BLVRA: variants seen among roughly 807,000 people sequenced by gnomAD.
BLVRA encodes the protein BVR A.
In BLVRA, 22 loss-of-function variants were observed where a neutral mutation model predicts 32.8. The ratio of observed to expected loss-of-function variants is 0.67; its 90% CI spans 0.48 to 0.96. The LOEUF (loss-of-function observed/expected upper bound fraction) is 0.96. BLVRA is among the 40% of genes least tolerant of loss of function. The probability of loss-of-function intolerance (pLI) is 0.00; values close to 1 mark genes in which losing one functional copy is unlikely to be tolerated. For synonymous variants in BLVRA, 119 were observed against 141.3 expected, an observed-to-expected ratio of 0.84 and a Z score of 1.12; for missense variants, 323 against 358.1, an observed-to-expected ratio of 0.90 and a Z score of 0.79.
intron 3 of BLVRA, 135 bp from the exon 4 acceptor site, chr7:43,791,114 G>T: frequency 2.0e-6 from 3 of 1,487,592 alleles, no homozygotes; most frequent in Non-Finnish European, 2.7e-6. Flanking sequence ...AAAATAGCCT[G>T]GAAGTGGGAG....
intron 5 of BLVRA, among the ~76,000 whole-genome samples, chr7:43,796,463 C>A (rs2095792991): frequency 6.6e-6 from 1 of 152,168 alleles, no homozygotes; most frequent in South Asian, 2.1e-4. Flanking sequence ...CCAAGTGTTT[C>A]AGTCTCTTCA....
intron 4 of BLVRA, 91 bp from the exon 5 acceptor site, chr7:43,792,624 C>A (rs1333168754): frequency 1.5e-5 from 19 of 1,246,542 alleles, no homozygotes; most frequent in South Asian, 1.4e-4. Context: ...AACTCTCATG[C>A]CTTTATAACA....
rs184574428 is a variant in BLVRA, at chr7:43,792,677, G to A, written c.255-38G>A. ...CAGAGCATTTCAGTGAAGCTTATTCGAAGTGTTCTTTCTCTGTATTTGTCT... is the reference window on the plus strand; with the variant it reads ...CAGAGCATTTCAGTGAAGCTTATTCAAAGTGTTCTTTCTCTGTATTTGTCT... On this transcript the variant is annotated intron_variant, in intron 4 of 7. Transcript: ENST00000265523. 7.9e-5 allele frequency: 123 copies of A among 1,558,812 alleles called. 1 individual carries two copies. The highest frequency in any genetic ancestry group is 3.8e-4 in the South Asian group (34 of 89,514).
chr7:43,792,980 A>G (rs1045685987), intron 5 of BLVRA, among the ~76,000 whole-genome samples, 168 bp downstream of exon 5: 2 of 152,236 alleles, frequency 1.3e-5, no homozygotes, highest in Non-Finnish European at 2.9e-5. Context: ...AGTGGAGGGC[A>G]GAAGGATGGG....
rs754621870 is a variant in BLVRA, at chr7:43,789,054, C to T, written c.134+1029C>T. Reference sequence around the variant, plus strand: ...ACCCCTGTACACACACACACACACACGCACCACTCACCAGACTAATCCTGT... The same window carrying T: ...ACCCCTGTACACACACACACACACATGCACCACTCACCAGACTAATCCTGT... On this transcript the variant is annotated intron_variant, in intron 3 of 7. Coordinates refer to ENST00000265523, the MANE Select transcript of BLVRA (RefSeq NM_000712.4). 5.3e-5 allele frequency among the ~76,000 whole-genome samples: 8 copies of T among 152,190 alleles called. No individual in the cohort carries two copies. The South Asian group carries it at 6.2e-4, about 12-fold the overall frequency.
At chr7:43,760,095 ATTC>A (rs1335705199) in intron 1 of BLVRA, 1 of 150,990 alleles carries the variant, frequency 6.6e-6, no homozygotes, top group Admixed American at 6.6e-5. Context: ...GGTTCAAGCA[ATTC>A]TTCTGACCTC....
intron 7 of BLVRA, among the ~76,000 whole-genome samples, chr7:43,805,008 C>G (rs923471971): frequency 6.6e-6 from 1 of 152,204 alleles, no homozygotes; most frequent in Non-Finnish European, 1.5e-5. Context: ...TGGCAGTGCT[C>G]CCTATGGAGT....
At chr7:43,791,924 G>T in intron 4 of BLVRA, 1 of 162,670 alleles carries the variant, frequency 6.1e-6, no homozygotes. Flanking sequence ...CCACGGGTAA[G>T]ATGCTTCCTC....
chr7:43,758,427 C>A (rs902540055), upstream of BLVRA, among the ~76,000 whole-genome samples: 1 of 113,136 alleles, frequency 8.8e-6, no homozygotes, highest in Non-Finnish European at 2.3e-5. Context: ...GGCCGGCACC[C>A]ACCACCCACC....
Position 43,787,023 on chromosome 7 carries a change from A to G in BLVRA, c.13-881A>G, listed in dbSNP as rs1352304696. 6.6e-6 allele frequency among the ~76,000 whole-genome samples: 1 copy of G among 152,078 alleles called. No individual in the cohort carries two copies. The highest frequency in any genetic ancestry group is 2.4e-5 in the African/African-American group (1 of 41,392). The stretch of plus-strand genomic sequence containing the variant: ...CTGCAATCTCCGCCTCCCAGGTTCA[A>G]GCAATTCTCCTGCCTCGGCCTCCTA... On this transcript the variant is annotated intron_variant, in intron 2 of 7. Coordinates refer to ENST00000265523, the MANE Select transcript of BLVRA (RefSeq NM_000712.4). This position sits in a 1 kb window ranked among gnomAD's most constrained non-coding sequence, Gnocchi z 4.5.
At chr7:43,773,014 ATCATT>A (rs2132553527) in intron 2 of BLVRA, among the ~76,000 whole-genome samples, 1 of 152,316 alleles carries the variant, frequency 6.6e-6, no homozygotes, top group East Asian at 1.9e-4. Flanking sequence ...TGCCATGTGC[ATCATT>A]AACCTAATTC....
intron 7 of BLVRA, among the ~76,000 whole-genome samples, chr7:43,805,651 A>G (rs1358244688): frequency 1.3e-5 from 2 of 152,132 alleles, no homozygotes; most frequent in African/African-American, 2.4e-5. Flanking sequence ...CAGTTAATAT[A>G]ATATAATAGT....
At chr7:43,760,770 C>CTTT (rs34256119) in intron 1 of BLVRA, among the ~76,000 whole-genome samples, 1 of 133,156 alleles carries the variant, frequency 7.5e-6, no homozygotes, top group Non-Finnish European at 1.6e-5. Context: ...CCTCTTGAGT[C>CTTT]TTTTTTTTTT....
chr7:43,774,317 A>G (rs1348459578), intron 2 of BLVRA, among the ~76,000 whole-genome samples: 1 of 152,188 alleles, frequency 6.6e-6, no homozygotes. Context: ...ATTTTTGTAT[A>G]AGGTGTAAGG....
At chr7:43,804,598 A>G (rs17239713) in intron 7 of BLVRA, among the ~76,000 whole-genome samples, 2,073 of 152,264 alleles carry the variant, frequency 0.014, 43 homozygotes, top group African/African-American at 0.048. Flanking sequence ...AACACTGTAC[A>G]TGTTCCCCGC....
At chr7:43,767,657 G>C (rs946536714) in intron 1 of BLVRA, 1 of 682,934 alleles carries the variant, frequency 1.5e-6, no homozygotes, top group Non-Finnish European at 2.6e-6. Context: ...AAATGCTGGA[G>C]GGGGGACATC....
At chr7:43,759,532 C>T (rs1185893449) in intron 1 of BLVRA, among the ~76,000 whole-genome samples, 2 of 152,124 alleles carry the variant, frequency 1.3e-5, no homozygotes, top group Non-Finnish European at 2.9e-5. Flanking sequence ...ATTTTCTCAC[C>T]TGTAAAAGTG....
intron 7 of BLVRA, among the ~76,000 whole-genome samples, chr7:43,805,349 C>T (rs928408442): frequency 1.3e-5 from 2 of 150,588 alleles, no homozygotes; most frequent in African/African-American, 2.5e-5. Flanking sequence ...GTGGTGTGAT[C>T]TCAGCTCACT....
intron 1 of BLVRA, among the ~76,000 whole-genome samples, chr7:43,762,996 GA>G (rs1205997571): frequency 2.6e-5 from 4 of 152,166 alleles, no homozygotes; most frequent in Non-Finnish European, 5.9e-5. Context: ...ATCTAGTGGG[GA>G]AAGGCCAGGG....
Sources: gnomAD v4.1 joint callset for allele counts (sites outside exome capture counted in the v4.1 genomes callset) on GRCh38, gnomAD v4.1.1 for gene constraint, Gnocchi (gnomAD v3.1) non-coding constraint, MANE v1.5 for transcripts, NCBI Gene and HGNC (gene_info 2026-07-23, HGNC 2026-07-21) for gene names.